Variants in DLGAP1 observed in about 807,000 individuals in gnomAD.
The protein encoded by DLGAP1 is DLG associated protein 1.
A neutral mutation model predicts 90.8 loss-of-function variants in DLGAP1; 11 were observed. That is an observed-to-expected ratio of 0.12 (90% confidence interval 0.08 to 0.20). The LOEUF is 0.20. Among genes scored for constraint, DLGAP1 ranks in the 10% least tolerant of loss-of-function variants. DLGAP1 has a pLI of 1.00. For missense variants in DLGAP1, 1,050 were observed against 1,333.8 expected, an observed-to-expected ratio of 0.79 and a Z score of 3.31; for synonymous variants, 558 against 540.7, an observed-to-expected ratio of 1.03 and a Z score of -0.44.
At chr18:3,600,747 GATAT>G (rs369926784) in intron 7 of DLGAP1, among the ~76,000 whole-genome samples, 4 of 22,458 alleles carry the variant, frequency 1.8e-4, no homozygotes, top group Admixed American at 8.3e-4. Flanking sequence ...TAGATATATA[GATAT>G]ATATAGATAT....
At chr18:4,288,631 T>C (rs140296538) in intron 1 of DLGAP1, among the ~76,000 whole-genome samples, 1 of 152,198 alleles carries the variant, frequency 6.6e-6, no homozygotes, top group African/African-American at 2.4e-5. Context: ...CATGTTTTCA[T>C]GTGTTGCACA....
intron 4 of DLGAP1, among the ~76,000 whole-genome samples, chr18:3,851,810 T>C (rs1328003614): frequency 6.6e-6 from 1 of 152,142 alleles, no homozygotes; most frequent in Non-Finnish European, 1.5e-5. Flanking sequence ...CAATAATTAA[T>C]GAAGCAGTTA....
chr18:3,635,283 A>C (rs563154836), intron 7 of DLGAP1, among the ~76,000 whole-genome samples: 1 of 152,092 alleles, frequency 6.6e-6, no homozygotes, highest in South Asian at 2.1e-4. Context: ...GGCGCCCGCC[A>C]CCACGCCCGG....
chr18:4,234,653 C>T (rs561686138), intron 1 of DLGAP1, among the ~76,000 whole-genome samples: 1 of 152,110 alleles, frequency 6.6e-6, no homozygotes, highest in Non-Finnish European at 1.5e-5. Flanking sequence ...TTCTTTGAAT[C>T]ATATTTTAGC....
intron 5 of DLGAP1, among the ~76,000 whole-genome samples, chr18:3,812,615 G>A (rs1190645924): frequency 6.6e-6 from 1 of 152,038 alleles, no homozygotes; most frequent in Admixed American, 6.5e-5. Context: ...AGAAGGAAGA[G>A]GTTTTTTTCT....
intron 3 of DLGAP1, among the ~76,000 whole-genome samples, chr18:3,996,868 T>C (rs1367734845): frequency 1.3e-5 from 2 of 152,102 alleles, no homozygotes; most frequent in African/African-American, 4.8e-5. Context: ...ATGCATTATT[T>C]GAGCAATAGT....
chr18:3,742,234 TACTGGATGA>T, intron 6 of DLGAP1, 92 bp downstream of exon 6: 2 of 1,397,460 alleles, frequency 1.4e-6, no homozygotes, highest in South Asian at 2.7e-5. Context: ...ATCAATGGTC[TACTGGATGA>T]ATGACTGCCT....
intron 6 of DLGAP1, among the ~76,000 whole-genome samples, chr18:3,731,580 T>TC (rs1385769614): frequency 1.3e-5 from 2 of 151,260 alleles, no homozygotes; most frequent in Non-Finnish European, 3.0e-5. Flanking sequence ...GCTTTTTTTT[T>TC]TTTTTTTGGA....
rs2065198392 is a variant in DLGAP1 at position 3,781,652 on chromosome 18, T to G, written c.1172+32407A>C. 2.6e-5 allele frequency among the ~76,000 whole-genome samples: 4 copies of G among 152,140 alleles called. No individual in the cohort carries two copies. The South Asian group carries it at 8.3e-4, about 32-fold the overall frequency. On this transcript the variant is annotated intron_variant, in intron 5 of 12. Coordinates refer to ENST00000315677, the MANE Select transcript of DLGAP1 (RefSeq NM_004746.4). ...ATAGGCGTGAGCCAGCAGCTTTCAATTTTGTACCTTGTGTGTATATGTTTG... is the reference window on the plus strand; with the variant it reads ...ATAGGCGTGAGCCAGCAGCTTTCAAGTTTGTACCTTGTGTGTATATGTTTG...
chr18:4,128,898 ATTT>A (rs200643247), intron 2 of DLGAP1, among the ~76,000 whole-genome samples: 5 of 150,168 alleles, frequency 3.3e-5, no homozygotes, highest in African/African-American at 1.2e-4. Flanking sequence ...AAACACCGGC[ATTT>A]TTTTTTTAAC....
chr18:3,891,329 T>C lies in DLGAP1; in HGVS notation c.-72-11189A>G, dbSNP rs1322874089. On this transcript the variant is annotated intron_variant, in intron 3 of 12. Transcript: ENST00000315677. Reference sequence around the variant, plus strand: ...TCTATGATCCTTCTACCTCACTCACTGTGGACAATATACATCAAGGACTGA... The same window carrying C: ...TCTATGATCCTTCTACCTCACTCACCGTGGACAATATACATCAAGGACTGA... Among the ~76,000 whole-genome samples, 3 of 152,178 alleles carry C rather than the reference T, an allele frequency of 2.0e-5. No individual in the cohort carries two copies. The East Asian group carries it at 5.8e-4, about 29-fold the overall frequency.
At chr18:4,184,199 T>C (rs2144681090) in intron 1 of DLGAP1, among the ~76,000 whole-genome samples, 1 of 152,294 alleles carries the variant, frequency 6.6e-6, no homozygotes, top group East Asian at 1.9e-4. Flanking sequence ...TAATTGCTTG[T>C]ATTGATCGTG....
chr18:3,689,466 G>A (rs187046571), intron 7 of DLGAP1, among the ~76,000 whole-genome samples: 80 of 152,262 alleles, frequency 5.3e-4, no homozygotes, highest in Admixed American at 5.0e-3. Flanking sequence ...AGCCTTGTAT[G>A]TATCAGACAA....
chr18:3,540,284 T>C (rs2052614362), intron 9 of DLGAP1, among the ~76,000 whole-genome samples: 1 of 151,552 alleles, frequency 6.6e-6, no homozygotes, highest in Non-Finnish European at 1.5e-5. Context: ...CTGGGCAACA[T>C]GGCAAAATCC....
chr18:3,918,714 G>A (rs2072201405), intron 3 of DLGAP1, among the ~76,000 whole-genome samples: 1 of 152,220 alleles, frequency 6.6e-6, no homozygotes, highest in Non-Finnish European at 1.5e-5. Flanking sequence ...TCGTGGGCAG[G>A]AAGAGAAAGT....
chr18:3,989,821 A>C (rs2073924236), intron 3 of DLGAP1, among the ~76,000 whole-genome samples: 1 of 152,222 alleles, frequency 6.6e-6, no homozygotes, highest in African/African-American at 2.4e-5. Flanking sequence ...AAGTGGGTGA[A>C]GGATATGAAC....
chr18:3,715,308 G>A (rs1370758438), intron 7 of DLGAP1, among the ~76,000 whole-genome samples: 4 of 152,208 alleles, frequency 2.6e-5, no homozygotes, highest in African/African-American at 9.6e-5. Context: ...GAAGGCAAAG[G>A]AAAAGTCAAG....
intron 3 of DLGAP1, among the ~76,000 whole-genome samples, chr18:3,892,391 C>A (rs1247267793): frequency 6.6e-6 from 1 of 152,122 alleles, no homozygotes; most frequent in African/African-American, 2.4e-5. Flanking sequence ...TGACACTGGG[C>A]TCCTTGTATT....
At chr18:3,510,376 C>T (rs1299974514) in intron 10 of DLGAP1, among the ~76,000 whole-genome samples, 2 of 152,202 alleles carry the variant, frequency 1.3e-5, no homozygotes, top group Admixed American at 1.3e-4. Context: ...GATCAGAAAC[C>T]TCTACCTCTT....
Sources: allele counts gnomAD v4.1 joint callset (sites outside exome capture counted in the v4.1 genomes callset), GRCh38; gene constraint gnomAD v4.1.1; transcripts MANE v1.5; gene names NCBI Gene and HGNC (gene_info 2026-07-23, HGNC 2026-07-21).